The following UQCC1 variants were observed in gnomAD, a reference collection of about 807,000 sequenced individuals.
UQCC1 encodes the protein bFGF-repressed Zic-binding protein.
A neutral mutation model predicts 48.0 loss-of-function variants in UQCC1; 38 were observed. The observed-to-expected ratio is 0.79, with a 90% confidence interval of 0.61 to 1.04. The LOEUF is 1.04. UQCC1 is among the 50% of genes least tolerant of loss of function. The pLI, the probability that UQCC1 is intolerant of heterozygous loss-of-function variation, is 0.00. For synonymous variants in UQCC1, 111 were observed against 129.2 expected, an observed-to-expected ratio of 0.86 and a Z score of 0.95; for missense variants, 368 against 381.8, an observed-to-expected ratio of 0.96 and a Z score of 0.30.
chr20:35,365,517 C>T (rs907075643), intron 6 of UQCC1, among the ~76,000 whole-genome samples: 1 of 151,790 alleles, frequency 6.6e-6, no homozygotes, highest in African/African-American at 2.4e-5. Context: ...ATCATATGGG[C>T]GTGGTGGTGG....
chr20:35,334,193 AC>A (rs1426509069), intron 7 of UQCC1, among the ~76,000 whole-genome samples: 1 of 152,156 alleles, frequency 6.6e-6, no homozygotes, highest in African/African-American at 2.4e-5. Context: ...TACTCAGTGA[AC>A]CCCCTTACTC....
intron 9 of UQCC1, among the ~76,000 whole-genome samples, chr20:35,305,574 C>T (rs2060919692): frequency 6.6e-6 from 1 of 152,252 alleles, no homozygotes; most frequent in Non-Finnish European, 1.5e-5. Context: ...TCTGGCCATG[C>T]CGTGCCCTCT....
chr20:35,411,545 G>A (rs930766852), intron 1 of UQCC1, among the ~76,000 whole-genome samples: 9 of 152,024 alleles, frequency 5.9e-5, no homozygotes, highest in African/African-American at 2.2e-4. Flanking sequence ...TTTTCACATA[G>A]GGTCAATGAG....
In UQCC1 at chr20:35,365,777, T is replaced by C. The variant is rs536703568; in HGVS notation, c.464+780A>G. ...GAGGTGATCAAAACCAAAAAGTATA[T>C]AGTAGTCAGTTGTATGATGCAAAGG... On this transcript the variant is annotated intron_variant, in intron 6 of 9. Transcript: ENST00000374385. 2.0e-4 allele frequency among the ~76,000 whole-genome samples: 30 copies of C among 151,526 alleles called. 1 individual carries two copies. Among genetic ancestry groups the C allele is most frequent in the African/African-American group, 6.5e-4 (27 of 41,246 alleles).
intron 6 of UQCC1, among the ~76,000 whole-genome samples, chr20:35,357,168 T>C (rs950903260): frequency 2.0e-5 from 3 of 152,148 alleles, no homozygotes; most frequent in Non-Finnish European, 4.4e-5. Flanking sequence ...GCAGATCACC[T>C]GAGCTCCGGA....
At chr20:35,350,495 G>A (rs938876770) in intron 6 of UQCC1, among the ~76,000 whole-genome samples, 25 of 146,198 alleles carry the variant, frequency 1.7e-4, no homozygotes, top group African/African-American at 4.6e-4. Flanking sequence ...TCAGGAGTTC[G>A]AGACCAACCT....
At chr20:35,307,225 C>A (rs943014149) in intron 8 of UQCC1, 77 of 256,598 alleles carry the variant, frequency 3.0e-4, no homozygotes, top group African/African-American at 1.6e-3. Context: ...TGGGCATGGA[C>A]TGTGCCTTCT....
At chr20:35,373,529 A>G (rs1385659763) in intron 5 of UQCC1, among the ~76,000 whole-genome samples, 2 of 152,056 alleles carry the variant, frequency 1.3e-5, no homozygotes, top group Non-Finnish European at 2.9e-5. Flanking sequence ...AAATACAAAA[A>G]TTAGCTGGGT....
chr20:35,393,039 A>T (rs1234070384), intron 2 of UQCC1, among the ~76,000 whole-genome samples: 3 of 152,028 alleles, frequency 2.0e-5, no homozygotes, highest in Non-Finnish European at 4.4e-5. Context: ...AATACAAGGT[A>T]AAACAAGGTA....
intron 7 of UQCC1, among the ~76,000 whole-genome samples, chr20:35,327,642 TCTTA>T (rs1200657092): frequency 6.6e-6 from 1 of 152,182 alleles, no homozygotes; most frequent in African/African-American, 2.4e-5. Context: ...ATATGATCAT[TCTTA>T]CTTAAGTAGT....
intron 1 of UQCC1, 52 bp from the exon 2 acceptor site, chr20:35,394,248 T>C: frequency 1.3e-6 from 2 of 1,485,464 alleles, no homozygotes; most frequent in Non-Finnish European, 9.4e-7. Flanking sequence ...ACTCCCTACA[T>C]GGAAGGCAAA....
At chr20:35,397,348 T>C (rs1442836183) in intron 1 of UQCC1, among the ~76,000 whole-genome samples, 2 of 151,502 alleles carry the variant, frequency 1.3e-5, no homozygotes, top group Admixed American at 6.6e-5. Flanking sequence ...ACCCCTTCTC[T>C]ACTAAAAATA....
intron 6 of UQCC1, among the ~76,000 whole-genome samples, chr20:35,355,235 A>C (rs2061534115): frequency 6.6e-6 from 1 of 152,242 alleles, no homozygotes; most frequent in African/African-American, 2.4e-5. Context: ...TAATTTGAAG[A>C]AATGCTATAT....
chr20:35,359,894 T>C (rs2061587384), intron 6 of UQCC1, among the ~76,000 whole-genome samples: 1 of 152,110 alleles, frequency 6.6e-6, no homozygotes, highest in African/African-American at 2.4e-5. Context: ...TCCACCTGGT[T>C]TCCCAAACTC....
intron 6 of UQCC1, 125 bp from the exon 7 acceptor site, chr20:35,347,397 C>A (rs918991971): frequency 1.1e-6 from 1 of 889,598 alleles, no homozygotes; most frequent in Non-Finnish European, 1.6e-6. Context: ...TGGAAGTGAA[C>A]TTTTTTTTTT....
chr20:35,325,651 T>A (rs2061184463), intron 7 of UQCC1, among the ~76,000 whole-genome samples: 6 of 152,220 alleles, frequency 3.9e-5, no homozygotes. Flanking sequence ...TCAAGAAGTT[T>A]ACAATCTCAC....
intron 6 of UQCC1, among the ~76,000 whole-genome samples, chr20:35,359,556 G>A (rs1003072274): frequency 6.6e-6 from 1 of 152,082 alleles, no homozygotes; most frequent in Non-Finnish European, 1.5e-5. Flanking sequence ...ATCCTGTCTC[G>A]CTCACTCTGC....
Position 35,395,621 on chromosome 20 carries a change from T to C in UQCC1, c.25-1425A>G, listed in dbSNP as rs1166642943. Among the ~76,000 whole-genome samples the C allele has an allele frequency of 7.9e-5, 12 of 152,064 alleles. 1 individual carries two copies. Among genetic ancestry groups the C allele is most frequent in the Non-Finnish European group, 1.5e-5 (1 of 68,016 alleles). On this transcript the variant is annotated intron_variant, in intron 1 of 9. Transcript: ENST00000374385. ...ATATATTTCTTCTCTCACAATATCATATCTGGGTTGCAGCCACAGGCCAGG... is the reference window on the plus strand; with the variant it reads ...ATATATTTCTTCTCTCACAATATCACATCTGGGTTGCAGCCACAGGCCAGG...
At chr20:35,384,706 C>T (rs1013273339) in intron 2 of UQCC1, 1 of 438,922 alleles carries the variant, frequency 2.3e-6, no homozygotes, top group African/African-American at 2.1e-5. Context: ...GCGTGGCTCA[C>T]ACCTGTAATC....
Sources: gnomAD v4.1 joint callset for allele counts (sites outside exome capture counted in the v4.1 genomes callset) on GRCh38, gnomAD v4.1.1 for gene constraint, MANE v1.5 for transcripts, NCBI Gene and HGNC (gene_info 2026-07-23, HGNC 2026-07-21) for gene names.